The following RBMX variants were observed in gnomAD, a reference collection of about 807,000 sequenced individuals.
The protein encoded by RBMX is RNA-binding motif protein, X chromosome.
A neutral mutation model predicts 29.3 loss-of-function variants in RBMX; 1 was observed. The observed-to-expected ratio is 0.03, with a 90% CI of 0.01 to 0.16. The LOEUF (loss-of-function observed/expected upper bound fraction) is 0.16. Ranked by LOEUF, RBMX falls within the 10% of genes least tolerant of loss-of-function variation. The pLI, the probability that RBMX is intolerant of heterozygous loss-of-function variation, is 1.00. For synonymous variants in RBMX, 102 were observed against 102.3 expected, an observed-to-expected ratio of 1.00 and a Z score of 0.02; for missense variants, 121 against 333.2, an observed-to-expected ratio of 0.36 and a Z score of 4.96.
intron 2 of RBMX, 30 bp downstream of exon 2, chrX:136,879,289 T>G: frequency 1.7e-6 from 2 of 1,200,035 alleles, no homozygotes; most frequent in Non-Finnish European, 2.3e-6. Context: ...TTAATTATAA[T>G]AGCCCAGCCT....
rs1205671072 is a variant in RBMX at position 136,874,466 on chromosome X, G to A, written c.866-14C>T. The A allele has an allele frequency of 8.5e-7, 1 of 1,173,468 alleles. No individual in the cohort carries two copies. Among genetic ancestry groups the A allele is most frequent in the Non-Finnish European group, 1.1e-6 (1 of 871,218 alleles). On this transcript the variant is annotated splice_polypyrimidine_tract_variant and intron_variant, in intron 8 of 8. Coordinates refer to ENST00000320676, the MANE Select transcript of RBMX (RefSeq NM_002139.4). The stretch of plus-strand genomic sequence containing the variant: ...TACGTGAGTTACCTGCAGGGTCAAT[G>A]GTCAGGTAATATGGCAACACTATAA...
chrX:136,872,351 A>G (rs1194485577), downstream of RBMX: 7 of 1,160,221 alleles, frequency 6.0e-6, no homozygotes, highest in East Asian at 1.3e-4. Flanking sequence ...CCAACCTGCA[A>G]AAGTTAAATA....
chrX:136,869,961 T>TA (rs1251731088), downstream of RBMX: 8 of 112,390 alleles, frequency 7.1e-5, no homozygotes, highest in African/African-American at 2.6e-4. Context: ...ATGTCACTCA[T>TA]AAGTTTTATT....
chrX:136,873,155 T>C (rs2077695187), downstream of RBMX: 1 of 111,652 alleles, frequency 9.0e-6, no homozygotes, highest in African/African-American at 3.3e-5. Context: ...GGCATTTCCA[T>C]TGCCTTGAGG....
In RBMX at chrX:136,874,013, G is replaced by A. The variant is rs1178182604; in HGVS notation, c.*129C>T. On this transcript the variant is annotated 3_prime_UTR_variant, in exon 9 of 9. Transcript: ENST00000320676. Reference sequence around the variant, plus strand: ...ACAAGAACATAAAAATTATGGAGGGGAACTTAACAGGGAATTTAAAAAAAG... The same window carrying A: ...ACAAGAACATAAAAATTATGGAGGGAAACTTAACAGGGAATTTAAAAAAAG... 6.3e-6 allele frequency: 7 copies of A among 1,103,968 alleles called. No homozygotes were observed. Among genetic ancestry groups the A allele is most frequent in the Admixed American group, 3.6e-5 (1 of 27,956 alleles). The allele number at this position is 1,103,968 out of a possible 1,213,427, so 91.0% of individuals were successfully genotyped here.
chrX:136,877,495 G>A (rs1270832181), intron 4 of RBMX, among the ~76,000 whole-genome samples: 1 of 102,187 alleles, frequency 9.8e-6, no homozygotes, highest in African/African-American at 3.7e-5. Flanking sequence ...TGTTCCCCCA[G>A]GCTGGAGTAC....
rs16978602 is a variant in RBMX, at chrX:136,878,221, T to A, written c.217-135A>T. ...TGCTCATTAGTCTAAGAAAAAACAC[T>A]GCAAATATAGTCAGTTTACATAAAT... On this transcript the variant is annotated intron_variant, in intron 3 of 8. Coordinates refer to ENST00000320676, the MANE Select transcript of RBMX (RefSeq NM_002139.4). The A allele has an allele frequency of 4.2e-5, 22 of 523,123 alleles. No individual in the cohort carries two copies. In the African/African-American group the frequency reaches 4.3e-4, roughly 10 times the overall value. 43.1% of individuals were successfully genotyped at this position (523,123 alleles called of 1,213,427 possible). A position where few individuals can be genotyped will look rare whatever the true frequency, so the allele number is the denominator to read the frequency against.
Position 136,874,202 on chromosome X carries a change from T to C in RBMX, c.1116A>G (p.Pro372=), listed in dbSNP as rs2077705291. Residue 372 remains proline (P), a synonymous_variant, in exon 9 of 9, where the codon CCA becomes CCG. Transcript: ENST00000320676. The part of the protein sequence containing the change: ...DSYSSSSRGA[P]RGGGRGGSRS... ...GGCTTCCTCCACGGCCACCACCTCT[T>C]GGTGCTCCGCGGCTTGAACTGCTGT... 1.6e-6 allele frequency: 2 copies of C among 1,212,315 alleles called. No individual in the cohort carries two copies. Among genetic ancestry groups the C allele is most frequent in the African/African-American group, 3.4e-5 (2 of 58,062 alleles).
rs180883864 is a variant in RBMX at position 136,876,113 on chromosome X, T to C, written c.541+390A>G. On this transcript the variant is annotated intron_variant, in intron 5 of 8. Transcript: ENST00000320676. ...CCGCACCCAGACTCCATGAATAAAG[T>C]TTTTTTTTTTTGTTTTTTTTTTTTT... Among the ~76,000 whole-genome samples, 132 of 95,882 alleles carry C rather than the reference T, an allele frequency of 1.4e-3. No homozygotes were observed. The East Asian group carries it at 0.015, about 11-fold the overall frequency. 83.3% of individuals were successfully genotyped at this position (95,882 alleles called of 115,157 possible). A position where few individuals can be genotyped will look rare whatever the true frequency, so the allele number is the denominator to read the frequency against.
rs1258252664 is a variant in RBMX, at chrX:136,874,046, A to C, written c.*96T>G. ...CAGGGAATTTAAAAAAAGTAACACA[A>C]TTTTTCCTTTTAGTAGTCCTTGGGT... On this transcript the variant is annotated 3_prime_UTR_variant, in exon 9 of 9. Transcript: ENST00000320676. 1.2e-5 allele frequency: 13 copies of C among 1,122,013 alleles called. No homozygotes were observed. Among genetic ancestry groups the C allele is most frequent in the Admixed American group, 3.2e-5 (1 of 31,636 alleles). 92.5% of individuals were successfully genotyped at this position (1,122,013 alleles called of 1,213,427 possible). A position where few individuals can be genotyped will look rare whatever the true frequency, so the allele number is the denominator to read the frequency against.
downstream of RBMX, chrX:136,870,195 A>G (rs2077676481): frequency 1.8e-5 from 2 of 112,398 alleles, no homozygotes; most frequent in Admixed American, 1.9e-4. Flanking sequence ...TCCACTTACC[A>G]ATTTCCTTAA....
rs779080922 is a variant in RBMX at position 136,876,459 on chromosome X, T to C, written c.541+44A>G. The C allele has an allele frequency of 4.5e-6, 5 of 1,112,789 alleles. No individual in the cohort carries two copies. In the African/African-American group the frequency reaches 7.5e-5, roughly 17 times the overall value. The allele number at this position is 1,112,789 out of a possible 1,213,427, so 91.7% of individuals were successfully genotyped here. ...AAGCATCATTCACCTCTCAATTCTT[T>C]GTGTTACGGTAGTAGCATAAATCAT... On this transcript the variant is annotated intron_variant, in intron 5 of 8. Transcript: ENST00000320676.
chrX:136,879,464 G>C lies in RBMX; in HGVS notation c.-26-11C>G. The C allele has an allele frequency of 9.7e-6, 11 of 1,138,493 alleles. No individual in the cohort carries two copies. Among genetic ancestry groups the C allele is most frequent in the Non-Finnish European group, 1.3e-5 (11 of 836,169 alleles). The allele number at this position is 1,138,493 out of a possible 1,213,427, so 93.8% of individuals were successfully genotyped here. A position where few individuals can be genotyped will look rare whatever the true frequency, so the allele number is the denominator to read the frequency against. On this transcript the variant is annotated splice_polypyrimidine_tract_variant and intron_variant, in intron 1 of 8. Coordinates refer to ENST00000320676, the MANE Select transcript of RBMX (RefSeq NM_002139.4). ...TTTGGGCCGGTGAGTCTGTTGAAAA[G>C]GAATAGTATTACCTCACTGCAAAAA...
intron 3 of RBMX, among the ~76,000 whole-genome samples, 197 bp from the exon 4 acceptor site, chrX:136,878,283 C>T (rs1188704715): frequency 1.8e-5 from 2 of 110,656 alleles, no homozygotes; most frequent in Non-Finnish European, 3.8e-5. Context: ...TACTTAAAAC[C>T]GATACTGATG....
downstream of RBMX, among the ~76,000 whole-genome samples, chrX:136,871,501 T>C (rs1456887305): frequency 9.1e-6 from 1 of 110,026 alleles, no homozygotes; most frequent in African/African-American, 3.3e-5. Flanking sequence ...ATTATGTCAA[T>C]GTCAATAAAA....
intron 5 of RBMX, 109 bp from the exon 6 acceptor site, chrX:136,875,694 C>T (rs759348531): frequency 3.9e-4 from 389 of 1,006,913 alleles, no homozygotes; most frequent in Non-Finnish European, 5.1e-4. Flanking sequence ...GATGACATTA[C>T]GGAGGCTAGA....
intron 5 of RBMX, among the ~76,000 whole-genome samples, chrX:136,876,004 G>A (rs1455214902): frequency 9.1e-6 from 1 of 109,724 alleles, no homozygotes; most frequent in Non-Finnish European, 1.9e-5. Context: ...GTTTCACCAC[G>A]TTGGCCAGAC....
At chrX:136,878,745 C>CAAA (rs749152530) in intron 3 of RBMX, among the ~76,000 whole-genome samples, 37 of 37,082 alleles carry the variant, frequency 1.0e-3, no homozygotes, top group East Asian at 5.6e-3. Context: ...GGGAGACTAT[C>CAAA]AAAAAAAAAA....
At chrX:136,869,309 T>A (rs1003361715), downstream of RBMX, 1 of 112,469 alleles carries the variant, frequency 8.9e-6, no homozygotes, top group Non-Finnish European at 1.9e-5. Flanking sequence ...ATTTTCTGTA[T>A]CATTCTGTTT....
Sources: gnomAD v4.1 joint callset for allele counts (sites outside exome capture counted in the v4.1 genomes callset) on GRCh38, gnomAD v4.1.1 for gene constraint, MANE v1.5 for transcripts, NCBI Gene and HGNC (gene_info 2026-07-23, HGNC 2026-07-21) for gene names.